Variants in DIS3L2 observed in about 807,000 individuals in gnomAD.
DIS3L2 encodes DIS3 like 3'-5' exoribonuclease 2.
In DIS3L2, 34 loss-of-function variants were observed where a neutral mutation model predicts 97.5. That is an observed-to-expected ratio of 0.35 (90% CI 0.27 to 0.46). The LOEUF is 0.46. Among genes scored for constraint, DIS3L2 ranks in the 20% least tolerant of loss-of-function variants. DIS3L2 has a pLI of 1.00. For synonymous variants in DIS3L2, 435 were observed against 445.2 expected (o/e 0.98, Z 0.29); for missense variants, 1,038 against 1,146.0 (o/e 0.91, Z 1.36).
At chr2:232,210,236 C>A in intron 9 of DIS3L2, 90 bp from the exon 10 acceptor site, 1 of 1,024,286 alleles carries the variant, frequency 9.8e-7, no homozygotes, top group Non-Finnish European at 1.5e-6. Flanking sequence ...AGCACATATG[C>A]AAAATTCACT....
chr2:231,980,008 ACT>A (rs781609215), intron 1 of DIS3L2, among the ~76,000 whole-genome samples: 1 of 151,718 alleles, frequency 6.6e-6, no homozygotes, highest in African/African-American at 2.4e-5. Context: ...CTGTTTCTAG[ACT>A]CTCTGTTTCC....
intron 5 of DIS3L2, among the ~76,000 whole-genome samples, chr2:232,063,106 T>G (rs1695758049): frequency 6.6e-6 from 1 of 152,214 alleles, no homozygotes; most frequent in Non-Finnish European, 1.5e-5. Context: ...GCTTCAGTCC[T>G]TGCTAGGCTC....
intron 6 of DIS3L2, among the ~76,000 whole-genome samples, chr2:232,107,770 C>T (rs1343291833): frequency 6.6e-6 from 1 of 152,156 alleles, no homozygotes; most frequent in Non-Finnish European, 1.5e-5. Context: ...ATACTATAAA[C>T]ACCTCTATAC....
rs113868383 is a variant in DIS3L2, at chr2:232,147,986, G to A, written c.950+11267G>A. Among the ~76,000 whole-genome samples the A allele has an allele frequency of 4.0e-4, 16 of 39,880 alleles. 1 individual carries two copies. Among genetic ancestry groups the A allele is most frequent in the African/African-American group, 7.0e-4 (7 of 10,030 alleles). 26.2% of individuals were successfully genotyped at this position (39,880 alleles called of 152,430 possible). A position where few individuals can be genotyped will look rare whatever the true frequency, so the allele number is the denominator to read the frequency against. On this transcript the variant is annotated intron_variant, in intron 8 of 20. Transcript: ENST00000325385. The stretch of plus-strand genomic sequence containing the variant: ...CCTCCCCTCCCCTCCCCTCCCCTCC[G>A]CTCCCCTCTTTTCTCCTCTCCTCTC...
intron 14 of DIS3L2, among the ~76,000 whole-genome samples, chr2:232,316,923 C>A (rs1036127270): frequency 6.6e-6 from 1 of 152,078 alleles, no homozygotes; most frequent in Admixed American, 6.6e-5. Flanking sequence ...TTCATTGTAC[C>A]GTTCCTGAAG....
intron 13 of DIS3L2, among the ~76,000 whole-genome samples, chr2:232,294,475 A>C (rs1431343166): frequency 6.6e-6 from 1 of 152,216 alleles, no homozygotes; most frequent in Non-Finnish European, 1.5e-5. Flanking sequence ...TACTTTGTGG[A>C]AACAGCATAC....
chr2:231,973,025 G>A (rs968639072), intron 1 of DIS3L2, among the ~76,000 whole-genome samples: 2 of 152,240 alleles, frequency 1.3e-5, no homozygotes, highest in South Asian at 2.1e-4. Flanking sequence ...TCAGGGTAAC[G>A]CTGGAAACCT....
intron 8 of DIS3L2, among the ~76,000 whole-genome samples, chr2:232,162,984 A>G (rs1023395007): frequency 1.3e-5 from 2 of 152,212 alleles, no homozygotes; most frequent in Non-Finnish European, 2.9e-5. Context: ...ACTTCTTTGC[A>G]ATGAACGTAT....
chr2:232,262,973 G>A (rs893799334), intron 12 of DIS3L2, among the ~76,000 whole-genome samples: 17 of 152,272 alleles, frequency 1.1e-4, no homozygotes, highest in Non-Finnish European at 1.6e-4. Context: ...ACCGTCCATA[G>A]GTGTCCAGTG....
intron 8 of DIS3L2, among the ~76,000 whole-genome samples, chr2:232,147,199 G>A (rs1018856622): frequency 4.6e-5 from 7 of 152,036 alleles, no homozygotes; most frequent in African/African-American, 1.7e-4. Context: ...TTGAACTCCT[G>A]GGCTCAAGTG....
intron 9 of DIS3L2, among the ~76,000 whole-genome samples, chr2:232,168,057 AAAAT>A (rs1304535214): frequency 1.3e-5 from 2 of 152,160 alleles, no homozygotes; most frequent in Non-Finnish European, 2.9e-5. Context: ...CAAAAAAATA[AAAAT>A]AAATAAAAAT....
chr2:232,054,518 T>G lies in DIS3L2; in HGVS notation c.366+24438T>G, dbSNP rs189644730. On this transcript the variant is annotated intron_variant, in intron 5 of 20. Transcript: ENST00000325385. Reference sequence around the variant, plus strand: ...TTTTAGCAGAGACCTCTAAATTCATTAGGGAAAGAACAACCAACCAGCCAT... The same window carrying G: ...TTTTAGCAGAGACCTCTAAATTCATGAGGGAAAGAACAACCAACCAGCCAT... Among the ~76,000 whole-genome samples the G allele has an allele frequency of 1.1e-4, 16 of 152,324 alleles. No homozygotes were observed. In the East Asian group the frequency reaches 2.7e-3, roughly 26 times the overall value.
rs1489971558 is a variant in DIS3L2 at position 232,162,573 on chromosome 2, A to T, written c.951-886A>T. On this transcript the variant is annotated intron_variant, in intron 8 of 20. Transcript: ENST00000325385. ...TAGCCTGAGAGAATGTCCTGATGCC[A>T]TAGCTAAATTTCTTGCAGAAAGTGC... Among the ~76,000 whole-genome samples, 3 of 152,238 alleles carry T rather than the reference A, an allele frequency of 2.0e-5. No homozygotes were observed. The South Asian group carries it at 6.2e-4, about 31-fold the overall frequency.
chr2:232,118,663 T>C (rs1340693862), intron 6 of DIS3L2, among the ~76,000 whole-genome samples: 2 of 152,216 alleles, frequency 1.3e-5, no homozygotes, highest in Non-Finnish European at 2.9e-5. Context: ...CTGAGTATTT[T>C]TCTCCACAAT....
chr2:232,341,065 C>T (rs1440057407), downstream of DIS3L2: 1 of 392,472 alleles, frequency 2.5e-6, no homozygotes, highest in Non-Finnish European at 5.0e-6. Flanking sequence ...ACAATGATTG[C>T]CACCGTGGAG....
Position 232,185,991 on chromosome 2 carries a change from A to T in DIS3L2, c.1124+22359A>T, listed in dbSNP as rs1025199729. ...AACAAAAAGCTGGTTCTTTTTTTTT[A>T]AAACTTTGACTTAATTTTTAAAAGA... On this transcript the variant is annotated intron_variant, in intron 9 of 20. Transcript: ENST00000325385. 1.1e-4 allele frequency among the ~76,000 whole-genome samples: 16 copies of T among 151,994 alleles called. No homozygotes were observed. The South Asian group carries it at 1.2e-3, about 12-fold the overall frequency.
chr2:232,283,676 A>G (rs755161754), intron 13 of DIS3L2, among the ~76,000 whole-genome samples: 1 of 152,224 alleles, frequency 6.6e-6, no homozygotes, highest in Non-Finnish European at 1.5e-5. Context: ...CCTTAGGATT[A>G]TTTGAAGAGC....
At chr2:231,970,279 C>A (rs991188757) in intron 1 of DIS3L2, among the ~76,000 whole-genome samples, 5 of 152,126 alleles carry the variant, frequency 3.3e-5, no homozygotes, top group African/African-American at 1.2e-4. Context: ...TGAAATATCG[C>A]ATCGATTTTC....
At chr2:232,319,711 G>A (rs1018931453) in intron 14 of DIS3L2, among the ~76,000 whole-genome samples, 3 of 152,206 alleles carry the variant, frequency 2.0e-5, no homozygotes, top group African/African-American at 7.2e-5. Context: ...GGTACCAGGA[G>A]AGCTTTCTTA....
Sources: allele counts gnomAD v4.1 joint callset (sites outside exome capture counted in the v4.1 genomes callset), GRCh38; gene constraint gnomAD v4.1.1; transcripts MANE v1.5; gene names NCBI Gene and HGNC (gene_info 2026-07-23, HGNC 2026-07-21).